Variants in DLG2 observed in about 807,000 individuals in gnomAD.
The protein encoded by DLG2 is disks large homolog 2.
A neutral mutation model predicts 132.5 loss-of-function variants in DLG2; 45 were observed. The observed-to-expected ratio is 0.34, with a 90% confidence interval of 0.27 to 0.44. The LOEUF (loss-of-function observed/expected upper bound fraction) is 0.44. Among genes scored for constraint, DLG2 ranks in the 20% least tolerant of loss-of-function variants. The pLI, the probability that DLG2 is intolerant of heterozygous loss-of-function variation, is 1.00. For synonymous variants in DLG2, 424 were observed against 419.6 expected, an observed-to-expected ratio of 1.01 and a Z score of -0.13; for missense variants, 1,045 against 1,196.9, an observed-to-expected ratio of 0.87 and a Z score of 1.87.
chr11:84,894,165 G>T (rs1052145680), intron 6 of DLG2, among the ~76,000 whole-genome samples: 1 of 152,008 alleles, frequency 6.6e-6, no homozygotes, highest in East Asian at 1.9e-4. Flanking sequence ...AAGCTTCTTG[G>T]TTGCCCTTCT....
chr11:85,603,600 C>T (rs2080316184), intron 2 of DLG2, among the ~76,000 whole-genome samples: 1 of 151,440 alleles, frequency 6.6e-6, no homozygotes, highest in Admixed American at 6.6e-5. Context: ...GTAGGTATTA[C>T]CCTAGTCGTT....
intron 3 of DLG2, among the ~76,000 whole-genome samples, chr11:85,319,349 T>C (rs1485936354): frequency 1.3e-5 from 2 of 151,848 alleles, no homozygotes; most frequent in African/African-American, 4.8e-5. Flanking sequence ...AATAGTAATC[T>C]TGGAGAGTAG....
chr11:83,935,284 G>A (rs1290331689), intron 14 of DLG2, among the ~76,000 whole-genome samples: 4 of 152,116 alleles, frequency 2.6e-5, no homozygotes, highest in African/African-American at 9.7e-5. Context: ...ACTGTTTATT[G>A]GGCCAAGGAT....
At chr11:84,101,279 G>C (rs1445220651) in intron 9 of DLG2, among the ~76,000 whole-genome samples, 1 of 152,076 alleles carries the variant, frequency 6.6e-6, no homozygotes, top group Non-Finnish European at 1.5e-5. Context: ...AGGTGAGAAA[G>C]GGTATGCCAC....
At chr11:83,666,280 G>A (rs975408352) in intron 18 of DLG2, among the ~76,000 whole-genome samples, 1 of 152,098 alleles carries the variant, frequency 6.6e-6, no homozygotes, top group Non-Finnish European at 1.5e-5. Flanking sequence ...TTAACTCAGA[G>A]GTCCCCAACC....
intron 18 of DLG2, among the ~76,000 whole-genome samples, chr11:83,659,313 G>A (rs1424494903): frequency 6.6e-6 from 1 of 152,172 alleles, no homozygotes; most frequent in African/African-American, 2.4e-5. Flanking sequence ...GAGAGAGAGA[G>A]ATTGAGGGAG....
intron 7 of DLG2, among the ~76,000 whole-genome samples, chr11:84,353,583 A>C (rs2098594576): frequency 5.9e-5 from 9 of 152,142 alleles, no homozygotes; most frequent in Admixed American, 5.9e-4. Flanking sequence ...GTCTCCTTTT[A>C]TTCAACAGCC....
At chr11:83,792,264 G>T (rs1446736596) in intron 17 of DLG2, among the ~76,000 whole-genome samples, 1 of 149,864 alleles carries the variant, frequency 6.7e-6, no homozygotes, top group Non-Finnish European at 1.5e-5. Flanking sequence ...TGCATTACTT[G>T]TTTTTTTTTA....
intron 9 of DLG2, among the ~76,000 whole-genome samples, chr11:84,153,654 A>T (rs1208531606): frequency 2.6e-5 from 4 of 152,162 alleles, no homozygotes; most frequent in African/African-American, 7.2e-5. Flanking sequence ...TTGCAACTAT[A>T]CTATGAAATT....
chr11:85,259,367 T>A (rs1479240594), intron 4 of DLG2, among the ~76,000 whole-genome samples: 3 of 152,152 alleles, frequency 2.0e-5, no homozygotes, highest in African/African-American at 7.2e-5. Context: ...CAGAAGCCTG[T>A]ATATCCTGCA....
intron 7 of DLG2, among the ~76,000 whole-genome samples, chr11:84,502,412 T>TTCTA (rs2099222243): frequency 1.5e-4 from 17 of 115,530 alleles, no homozygotes; most frequent in Non-Finnish European, 2.8e-4. Context: ...CTTTCTTTCT[T>TTCTA]TCTATACAGA....
chr11:84,815,948 G>A (rs2077042611), intron 6 of DLG2, among the ~76,000 whole-genome samples: 2 of 152,054 alleles, frequency 1.3e-5, no homozygotes, highest in Admixed American at 1.3e-4. Context: ...CAATAGGGAT[G>A]ACGCTGATAT....
chr11:83,784,923 C>T (rs893144827), intron 18 of DLG2, among the ~76,000 whole-genome samples: 1 of 152,086 alleles, frequency 6.6e-6, no homozygotes, highest in African/African-American at 2.4e-5. Flanking sequence ...GAAGGACATA[C>T]AGTTTGAGAC....
chr11:83,522,462 T>G (rs2095505359), intron 21 of DLG2, among the ~76,000 whole-genome samples: 1 of 152,036 alleles, frequency 6.6e-6, no homozygotes. Context: ...GAAGTAACAC[T>G]CAGATCAAGA....
At chr11:83,847,695 T>C (rs3793949) in intron 16 of DLG2, among the ~76,000 whole-genome samples, 86,416 of 151,990 alleles carry the variant, frequency 0.57, 25,247 homozygotes, top group Middle Eastern at 0.68. Context: ...TCCCTTCCAG[T>C]TCTAGCATTT....
chr11:84,198,306 C>T (rs1422524835), intron 8 of DLG2, among the ~76,000 whole-genome samples: 1 of 152,062 alleles, frequency 6.6e-6, no homozygotes, highest in Non-Finnish European at 1.5e-5. Context: ...AATACTTTCA[C>T]CACAAAATAT....
intron 18 of DLG2, among the ~76,000 whole-genome samples, chr11:83,752,695 T>C (rs901592248): frequency 1.2e-4 from 18 of 152,038 alleles, no homozygotes; most frequent in Non-Finnish European, 2.5e-4. Context: ...ATGGGAGAAA[T>C]AGCAGTGTGA....
chr11:85,456,772 G>A (rs776958426), intron 3 of DLG2, among the ~76,000 whole-genome samples: 3 of 152,000 alleles, frequency 2.0e-5, no homozygotes, highest in Non-Finnish European at 2.9e-5. Flanking sequence ...GTAATTTTAC[G>A]GTTTTGAGCA....
intron 11 of DLG2, among the ~76,000 whole-genome samples, chr11:83,997,916 G>A (rs896873507): frequency 9.9e-5 from 15 of 151,368 alleles, no homozygotes; most frequent in African/African-American, 3.4e-4. Context: ...TGGATCACTT[G>A]AGGTCAGGAG....
Sources: gnomAD v4.1 joint callset for allele counts (sites outside exome capture counted in the v4.1 genomes callset) on GRCh38, gnomAD v4.1.1 for gene constraint, MANE v1.5 for transcripts, NCBI Gene and HGNC (gene_info 2026-07-23, HGNC 2026-07-21) for gene names.